Variants in YIPF7 observed in about 807,000 individuals in gnomAD.
The protein encoded by YIPF7 is Yip1 domain family member 7, also known as protein YIPF7.
YIPF7 carries 35 observed loss-of-function variants against 27.2 expected under a neutral mutation model. The observed-to-expected ratio is 1.29, with a 90% confidence interval of 0.98 to 1.70. The LOEUF is 1.70. Among genes scored for constraint, YIPF7 ranks in the 40% most tolerant of loss-of-function variants. YIPF7 has a pLI of 0.00. For missense variants in YIPF7, 358 were observed against 303.7 expected (o/e 1.18, Z -1.33); for synonymous variants, 137 against 110.4 (o/e 1.24, Z -1.51).
chr4:44,655,437 T>C (rs1278779077), upstream of YIPF7, among the ~76,000 whole-genome samples: 2 of 152,000 alleles, frequency 1.3e-5, no homozygotes, highest in African/African-American at 2.4e-5. Context: ...AAAAATATTA[T>C]GTATGGCTGC....
chr4:44,636,001 A>G lies in YIPF7; in HGVS notation c.201T>C (p.Phe67=). The change falls in exon 3 of 6, where the codon TTT becomes TTC. Residue 67 remains phenylalanine, a synonymous_variant. Coordinates refer to ENST00000415895, the MANE Select transcript of YIPF7 (RefSeq NM_182592.3). The part of the protein sequence containing the change: ...LMSSGYAGQF[F]QPASNSDYYS... ...AATAATCTGAGTTGGATGCTGGCTGAAAAAATTGTCCTGCGTAACCCGATG... is the reference window on the plus strand; with the variant it reads ...AATAATCTGAGTTGGATGCTGGCTGGAAAAATTGTCCTGCGTAACCCGATG... 1.2e-6 allele frequency: 2 copies of G among 1,613,766 alleles called. No individual in the cohort carries two copies. The highest frequency in any genetic ancestry group is 2.2e-5 in the East Asian group (1 of 44,880).
At chr4:44,622,866 C>T (rs1712491022) in intron 5 of YIPF7, among the ~76,000 whole-genome samples, 1 of 152,188 alleles carries the variant, frequency 6.6e-6, no homozygotes, top group Non-Finnish European at 1.5e-5. Flanking sequence ...ATCCTAACTC[C>T]TAAAATTCCC....
At chr4:44,640,482 G>A (rs1713287132) in intron 2 of YIPF7, among the ~76,000 whole-genome samples, 1 of 152,196 alleles carries the variant, frequency 6.6e-6, no homozygotes, top group African/African-American at 2.4e-5. Context: ...ACAGTCCTCA[G>A]GCCTCTGGTG....
At chr4:44,649,703 A>T (rs1713656529) in intron 2 of YIPF7, among the ~76,000 whole-genome samples, 1 of 151,986 alleles carries the variant, frequency 6.6e-6, no homozygotes, top group Non-Finnish European at 1.5e-5. Context: ...GCTTGAACCC[A>T]GGAGGCAGAG....
At chr4:44,630,663 T>A (rs1005767986) in intron 3 of YIPF7, among the ~76,000 whole-genome samples, 7 of 152,192 alleles carry the variant, frequency 4.6e-5, no homozygotes, top group Admixed American at 1.3e-4. Flanking sequence ...ACTTCTGATT[T>A]TTTTTCTCCA....
chr4:44,651,696 T>C, upstream of YIPF7: 2 of 1,152,244 alleles, frequency 1.7e-6, no homozygotes, highest in Non-Finnish European at 2.4e-6. Flanking sequence ...GAGCAGATGC[T>C]ACAGTCAAAA....
chr4:44,660,992 A>C (rs1288739958), intron 1 of YIPF7, among the ~76,000 whole-genome samples: 2 of 152,212 alleles, frequency 1.3e-5, no homozygotes, highest in Non-Finnish European at 2.9e-5. Flanking sequence ...TTCTTGCAGC[A>C]ACTTATAAGA....
intron 3 of YIPF7, among the ~76,000 whole-genome samples, chr4:44,635,701 G>C (rs939169818): frequency 6.6e-6 from 1 of 152,116 alleles, no homozygotes; most frequent in South Asian, 2.1e-4. Context: ...AATAGGTGCA[G>C]CAATATCACA....
At position 44,622,256 on chromosome 4, in the gene YIPF7, C is replaced by G. The variant is rs1169920221; in HGVS notation, c.*158G>C. The G allele has an allele frequency of 1.2e-6, 1 of 857,218 alleles. No homozygotes were observed. The highest frequency in any genetic ancestry group is 1.7e-5 in the African/African-American group (1 of 57,960). 53.1% of individuals were successfully genotyped at this position (857,218 alleles called of 1,614,324 possible). A position where few individuals can be genotyped will look rare whatever the true frequency, so the allele number is the denominator to read the frequency against. The stretch of plus-strand genomic sequence containing the variant: ...GCAAAACATCATTCAAACCAACAGG[C>G]TATTAGAGCACCACCCTTAAGTGCT... On this transcript the variant is annotated 3_prime_UTR_variant, in exon 6 of 6. Transcript: ENST00000415895.
intron 3 of YIPF7, among the ~76,000 whole-genome samples, 198 bp from the exon 4 acceptor site, chr4:44,629,746 A>G (rs1033903282): frequency 3.3e-5 from 5 of 152,204 alleles, no homozygotes; most frequent in Admixed American, 1.3e-4. Flanking sequence ...AATCTTAAAA[A>G]ACAAACTAAA....
chr4:44,633,385 T>C (rs1577735498), intron 3 of YIPF7, among the ~76,000 whole-genome samples: 1 of 152,186 alleles, frequency 6.6e-6, no homozygotes, highest in South Asian at 2.1e-4. Context: ...ACATTTCAGA[T>C]AGTAGAAAAG....
chr4:44,660,113 CAAAAAAAAAA>C (rs11461675), intron 2 of YIPF7, among the ~76,000 whole-genome samples: 8 of 25,516 alleles, frequency 3.1e-4, no homozygotes, highest in African/African-American at 5.8e-4. Flanking sequence ...GACTCTGTCT[CAAAAAAAAAA>C]AAAAAAAAAA....
chr4:44,627,025 G>A (rs1577732587), intron 4 of YIPF7, among the ~76,000 whole-genome samples: 2 of 151,166 alleles, frequency 1.3e-5, no homozygotes, highest in South Asian at 2.1e-4. Flanking sequence ...CTCGTGATCC[G>A]CCCGCCTCGG....
chr4:44,641,179 G>C (rs1252726604), intron 2 of YIPF7, among the ~76,000 whole-genome samples: 2 of 152,066 alleles, frequency 1.3e-5, no homozygotes, highest in African/African-American at 4.8e-5. Context: ...GGCCATGTAT[G>C]CTGCCTATTT....
intron 2 of YIPF7, among the ~76,000 whole-genome samples, chr4:44,640,005 A>T (rs1430420226): frequency 6.6e-6 from 1 of 152,156 alleles, no homozygotes; most frequent in African/African-American, 2.4e-5. Flanking sequence ...ATTGCTTTAC[A>T]TGTATTAAAT....
At chr4:44,644,432 C>T (rs537139929) in intron 2 of YIPF7, among the ~76,000 whole-genome samples, 1 of 152,194 alleles carries the variant, frequency 6.6e-6, no homozygotes, top group Admixed American at 6.5e-5. Context: ...CTGCACACAG[C>T]CTGTGGGCTG....
intron 2 of YIPF7, among the ~76,000 whole-genome samples, chr4:44,639,051 G>A (rs1186378224): frequency 1.3e-5 from 2 of 152,076 alleles, no homozygotes; most frequent in South Asian, 2.1e-4. Context: ...TGATCTATAT[G>A]TCTATTTTTA....
chr4:44,636,532 C>T (rs1713128525), intron 2 of YIPF7, among the ~76,000 whole-genome samples: 1 of 152,126 alleles, frequency 6.6e-6, no homozygotes, highest in South Asian at 2.1e-4. Flanking sequence ...AACTTATCTT[C>T]AGGGACAGTC....
At chr4:44,653,944 T>C (rs912772705), upstream of YIPF7, among the ~76,000 whole-genome samples, 2 of 152,064 alleles carry the variant, frequency 1.3e-5, no homozygotes, top group Admixed American at 1.3e-4. Context: ...TATTTTGTGA[T>C]GTTGTACTTT....
Sources: gnomAD v4.1 joint callset for allele counts (sites outside exome capture counted in the v4.1 genomes callset) on GRCh38, gnomAD v4.1.1 for gene constraint, MANE v1.5 for transcripts, NCBI Gene and HGNC (gene_info 2026-07-23, HGNC 2026-07-21) for gene names.